The following SPNS2 variants were observed in gnomAD, a reference collection of about 807,000 sequenced individuals.
SPNS2 encodes the protein SPNS lysolipid transporter 2, sphingosine-1-phosphate.
SPNS2 carries 37 observed loss-of-function variants against 57.6 expected under a neutral mutation model. That is an observed-to-expected ratio of 0.64 (90% CI 0.49 to 0.85). The LOEUF is 0.85. SPNS2 is among the 40% of genes least tolerant of loss of function. The pLI is 0.00. For missense variants in SPNS2, 831 were observed against 779.1 expected (o/e 1.07, Z -0.79); for synonymous variants, 440 against 346.9 (o/e 1.27, Z -2.98).
intron 11 of SPNS2, 108 bp from the exon 12 acceptor site, chr17:4,536,792 G>A (rs1905842285): frequency 1.1e-6 from 1 of 920,748 alleles, no homozygotes; most frequent in Non-Finnish European, 1.7e-6. Flanking sequence ...CGAGGTCCCT[G>A]CCCAGCACCT....
chr17:4,502,454 C>G (rs1904547745), intron 1 of SPNS2, among the ~76,000 whole-genome samples: 1 of 152,004 alleles, frequency 6.6e-6, no homozygotes, highest in African/African-American at 2.4e-5. Context: ...CCTTTTCATA[C>G]TAAGTCTTTG....
chr17:4,537,197 G>A (rs761256762), intron 12 of SPNS2, among the ~76,000 whole-genome samples: 24 of 152,306 alleles, frequency 1.6e-4, no homozygotes, highest in Non-Finnish European at 2.5e-4. Context: ...GCATAGATCA[G>A]GGCCAGGACT....
Position 4,536,360 on chromosome 17 carries a change from T to G in SPNS2, c.1541T>G (p.Leu514Arg), listed in dbSNP as rs777658461. Reference sequence around the variant, plus strand: ...ATGCTCTGCCCTTTCGTCGTGGTCCTGGGCGGCATGTTCTTCCTCGCCACT... The same window carrying G: ...ATGCTCTGCCCTTTCGTCGTGGTCCGGGGCGGCATGTTCTTCCTCGCCACT... Reference protein sequence around the residue: ...ALMLCPFVVVLGGMFFLATAL... With the variant: ...ALMLCPFVVVRGGMFFLATAL... Residue 514 changes from leucine (L) to arginine (R), a missense_variant, in exon 11 of 13, where the codon CTG becomes CGG. Leu to Arg is a moderately radical substitution (Grantham distance 102). Around this residue, in one of 2 missense-constraint regions of SPNS2, gnomAD observed 526 missense variants for 400.9 expected, o/e 1.31. Coordinates refer to ENST00000329078, the MANE Select transcript of SPNS2 (RefSeq NM_001124758.3). 9.8e-5 allele frequency: 158 copies of G among 1,610,052 alleles called. No individual in the cohort carries two copies. The highest frequency in any genetic ancestry group is 1.3e-4 in the Non-Finnish European group (152 of 1,179,834).
In SPNS2 at chr17:4,499,383, C is replaced by A; in HGVS notation, c.336C>A (p.Asn112Lys). 1 of 1,400,408 alleles carries A rather than the reference C, an allele frequency of 7.1e-7. No homozygotes were observed. Among genetic ancestry groups the A allele is most frequent in the Non-Finnish European group, 9.3e-7 (1 of 1,079,876 alleles). The allele number at this position is 1,400,408 out of a possible 1,614,324, so 86.7% of individuals were successfully genotyped here. Residue 112 changes from asparagine (N) to lysine (K), a missense_variant, in exon 1 of 13, where the codon AAC becomes AAA. Around this residue, in one of 2 missense-constraint regions of SPNS2, gnomAD observed 305 missense variants for 378.3 expected, o/e 0.81. Transcript: ENST00000329078. The surrounding 1 kb of genome is among the most constrained non-coding windows in gnomAD (Gnocchi z 5.2). ...CCGCCGCCATCCTCAGCTTGGGCAA[C>A]GTGCTCAACTACCTGGACAGGTACA... is the stretch of plus-strand genomic sequence containing the variant. ...GAAAAILSLG[N>K]VLNYLDRYTV...
At chr17:4,534,423 G>A (rs1030206857) in intron 9 of SPNS2, 10 of 170,422 alleles carry the variant, frequency 5.9e-5, no homozygotes, top group Non-Finnish European at 1.0e-4. Context: ...GGGCGTGGCA[G>A]GGGTGAGTGT....
intron 5 of SPNS2, among the ~76,000 whole-genome samples, chr17:4,531,964 T>G (rs1176787883): frequency 6.6e-6 from 1 of 151,986 alleles, no homozygotes; most frequent in East Asian, 1.9e-4. Flanking sequence ...GATCTGTCAG[T>G]CCAGCGCTTC....
rs1212978913 is a variant in SPNS2, at chr17:4,533,860, C to T, written c.1344+7C>T. On this transcript the variant is annotated splice_region_variant and intron_variant, in intron 9 of 12. Coordinates refer to ENST00000329078, the MANE Select transcript of SPNS2 (RefSeq NM_001124758.3). ...CACTGCAGACATCCTCATGGTGAGCCAGGCAGGCCGAGGTCACCTTGTGCT... is the reference window on the plus strand; with the variant it reads ...CACTGCAGACATCCTCATGGTGAGCTAGGCAGGCCGAGGTCACCTTGTGCT... 4.3e-6 allele frequency: 7 copies of T among 1,612,236 alleles called. No individual in the cohort carries two copies. The highest frequency in any genetic ancestry group is 1.3e-5 in the African/African-American group (1 of 74,908).
At chr17:4,515,828 A>AG (rs967757668) in intron 2 of SPNS2, among the ~76,000 whole-genome samples, 41 of 152,282 alleles carry the variant, frequency 2.7e-4, no homozygotes, top group Non-Finnish European at 5.0e-4. Flanking sequence ...GGAGACAGGG[A>AG]GTGGGGGTGG....
Position 4,498,893 on chromosome 17 carries a change from G to T in SPNS2, c.-155G>T, listed in dbSNP as rs1475741079. 26 of 257,746 alleles carry T rather than the reference G, an allele frequency of 1.0e-4. 1 individual carries two copies. The South Asian group carries it at 3.5e-3, about 35-fold the overall frequency. 16.0% of individuals were successfully genotyped at this position (257,746 alleles called of 1,614,324 possible). On this transcript the variant is annotated 5_prime_UTR_variant, in exon 1 of 13. Transcript: ENST00000329078. Reference sequence around the variant, plus strand: ...CGGCGAACGAGGCGCAGCGAGCTGAGCGGTGGCAGCGCCGCAGCCGGGGCC... The same window carrying T: ...CGGCGAACGAGGCGCAGCGAGCTGATCGGTGGCAGCGCCGCAGCCGGGGCC...
At chr17:4,500,980 C>T (rs1904487025) in intron 1 of SPNS2, among the ~76,000 whole-genome samples, 1 of 152,184 alleles carries the variant, frequency 6.6e-6, no homozygotes, top group Admixed American at 6.5e-5. Context: ...CACGCATGCA[C>T]CATGCTGCCG....
rs904725301 is a variant in SPNS2 at position 4,498,974 on chromosome 17, G to T, written c.-74G>T. On this transcript the variant is annotated 5_prime_UTR_variant, in exon 1 of 13. Transcript: ENST00000329078. ...GATGGTGCAGTGGCGGCTCCGCGGCGCACGCACGCGCTGAGCGGGCCCAGC... is the reference window on the plus strand; with the variant it reads ...GATGGTGCAGTGGCGGCTCCGCGGCTCACGCACGCGCTGAGCGGGCCCAGC... The T allele has an allele frequency of 3.2e-6, 3 of 934,930 alleles. No homozygotes were observed. Among genetic ancestry groups the T allele is most frequent in the Non-Finnish European group, 2.5e-6 (2 of 784,378 alleles). 57.9% of individuals were successfully genotyped at this position (934,930 alleles called of 1,614,324 possible).
At position 4,533,411 on chromosome 17, in the gene SPNS2, G is replaced by A; in HGVS notation, c.1257G>A (p.Lys419=). The stretch of plus-strand genomic sequence containing the variant: ...TCTGCCTGATCTTCGTGGCTGCCAA[G>A]AGCAGCATCGTAGGAGCCTATGTGA... ...IFICLIFVAA[K]SSIVGAYICI... is the part of the protein sequence containing the mutation. The change falls in exon 8 of 13, where the codon AAG becomes AAA. Residue 419 remains lysine (K), a synonymous_variant. Coordinates refer to ENST00000329078, the MANE Select transcript of SPNS2 (RefSeq NM_001124758.3). 2 of 1,606,888 alleles carry A rather than the reference G, an allele frequency of 1.2e-6. No homozygotes were observed. Among genetic ancestry groups the A allele is most frequent in the Non-Finnish European group, 1.7e-6 (2 of 1,177,146 alleles).
In SPNS2 at chr17:4,512,518, T is replaced by A. The variant is rs1426989602; in HGVS notation, c.371-729T>A. On this transcript the variant is annotated intron_variant, in intron 1 of 12. Transcript: ENST00000329078. This position sits in a 1 kb window ranked among gnomAD's most constrained non-coding sequence, Gnocchi z 5.2. The stretch of plus-strand genomic sequence containing the variant: ...TGGAAGCGGGTGTGGCCTCAAGAAA[T>A]CCACTTCTCCCAAGAAAACGGGCCT... Among the ~76,000 whole-genome samples, 2 of 151,794 alleles carry A rather than the reference T, an allele frequency of 1.3e-5. No homozygotes were observed. Among genetic ancestry groups the A allele is most frequent in the African/African-American group, 4.8e-5 (2 of 41,274 alleles).
intron 2 of SPNS2, among the ~76,000 whole-genome samples, chr17:4,516,333 A>ACC (rs1243287232): frequency 7.9e-6 from 1 of 126,058 alleles, no homozygotes; most frequent in African/African-American, 3.1e-5. Flanking sequence ...AAAAAAAAAA[A>ACC]AAAAAAAAAA....
rs1157168039 is a variant in SPNS2, at chr17:4,499,929, GGTGTGTGTGCGCGTGGCGGCGCGGTT to G, written c.370+520_370+545del. On this transcript the variant is annotated intron_variant, in intron 1 of 12. Transcript: ENST00000329078. The surrounding 1 kb of genome is among the most constrained non-coding windows in gnomAD (Gnocchi z 5.2). ...TTGCGGGTGTGCGCTAGGGAGACCGGGTGTGTGTGCGCGTGGCGGCGCGGTTGTGTGTGAGCGCGTGGCTGACAAAG... is the reference window on the plus strand; with the variant it reads ...TTGCGGGTGTGCGCTAGGGAGACCGGGTGTGTGAGCGCGTGGCTGACAAAG... 4.6e-5 allele frequency among the ~76,000 whole-genome samples: 7 copies of G among 152,184 alleles called. No individual in the cohort carries two copies. The highest frequency in any genetic ancestry group is 3.3e-4 in the Admixed American group (5 of 15,288).
chr17:4,533,913 G>C lies in SPNS2; in HGVS notation c.1344+60G>C, dbSNP rs559009231. 2.9e-5 allele frequency: 43 copies of C among 1,501,462 alleles called. No individual in the cohort carries two copies. The East Asian group carries it at 9.5e-4, about 33-fold the overall frequency. The allele number at this position is 1,501,462 out of a possible 1,614,324, so 93.0% of individuals were successfully genotyped here. On this transcript the variant is annotated intron_variant, in intron 9 of 12. Transcript: ENST00000329078. ...TGACCCAGGCCTCTTGACCTCACAG[G>C]GGTGCCTGGGGAGGGCGGGTGAAGG...
rs1270115098 is a variant in SPNS2, at chr17:4,511,796, C to T, written c.371-1451C>T. Among the ~76,000 whole-genome samples, 2 of 152,298 alleles carry T rather than the reference C, an allele frequency of 1.3e-5. No homozygotes were observed. Among genetic ancestry groups the T allele is most frequent in the East Asian group, 1.9e-4 (1 of 5,182 alleles). On this transcript the variant is annotated intron_variant, in intron 1 of 12. Transcript: ENST00000329078. The surrounding 1 kb of genome is among the most constrained non-coding windows in gnomAD (Gnocchi z 4.6). ...CTGTCAGGCTGCTGGGACATCCGCC[C>T]GTCTGTCCTGCATTCCGGGAAATTG...
At chr17:4,504,838 C>T (rs958767330) in intron 1 of SPNS2, among the ~76,000 whole-genome samples, 2 of 152,218 alleles carry the variant, frequency 1.3e-5, no homozygotes, top group Admixed American at 6.5e-5. Flanking sequence ...TTCTGACTCT[C>T]TCTGATCCCT....
intron 1 of SPNS2, among the ~76,000 whole-genome samples, chr17:4,501,303 C>T (rs1904501970): frequency 6.6e-6 from 1 of 151,660 alleles, no homozygotes; most frequent in African/African-American, 2.4e-5. Flanking sequence ...AGGGGAACTG[C>T]CTCTGCCAGG....
Sources: gnomAD v4.1 joint callset for allele counts (sites outside exome capture counted in the v4.1 genomes callset) on GRCh38, gnomAD v4.1.1 for gene constraint, gnomAD v4.1.1 regional missense constraint, Gnocchi (gnomAD v3.1) non-coding constraint, MANE v1.5 for transcripts, NCBI Gene and HGNC (gene_info 2026-07-23, HGNC 2026-07-21) for gene names.